RNF182: variants seen among roughly 807,000 people sequenced by gnomAD.
RNF182 encodes E3 ubiquitin-protein ligase RNF182.
RNF182 carries 15 observed loss-of-function variants against 14.4 expected under a neutral mutation model. That is an observed-to-expected ratio of 1.04 (90% CI 0.70 to 1.60). RNF182 has a LOEUF of 1.60. Ranked by LOEUF, RNF182 falls within the 40% of genes most tolerant of loss-of-function variation. RNF182 has a pLI of 0.00. For synonymous variants in RNF182, 128 were observed against 122.9 expected, an observed-to-expected ratio of 1.04 and a Z score of -0.27; for missense variants, 268 against 294.8, an observed-to-expected ratio of 0.91 and a Z score of 0.67.
chr6:13,953,073 T>A (rs1056922950), intron 1 of RNF182, among the ~76,000 whole-genome samples: 1 of 152,200 alleles, frequency 6.6e-6, no homozygotes, highest in Non-Finnish European at 1.5e-5. Context: ...ATCAGGACAT[T>A]TCCTGGGTCT....
intron 1 of RNF182, among the ~76,000 whole-genome samples, chr6:13,957,647 A>G (rs1759763540): frequency 6.6e-6 from 1 of 152,134 alleles, no homozygotes; most frequent in South Asian, 2.1e-4. Flanking sequence ...AGTGAGCAAA[A>G]CGTTTTGGTT....
At chr6:13,962,882 G>T (rs888517215) in intron 1 of RNF182, among the ~76,000 whole-genome samples, 5 of 152,164 alleles carry the variant, frequency 3.3e-5, no homozygotes, top group African/African-American at 1.2e-4. Flanking sequence ...CTTACCCTAA[G>T]ACCTATACAA....
chr6:13,976,054 C>G (rs929277526), intron 2 of RNF182, among the ~76,000 whole-genome samples: 3 of 152,156 alleles, frequency 2.0e-5, no homozygotes, highest in African/African-American at 7.2e-5. Flanking sequence ...ATTACACTTT[C>G]CTTTTACTAA....
chr6:13,956,692 G>A (rs1759741990), intron 1 of RNF182, among the ~76,000 whole-genome samples: 1 of 152,140 alleles, frequency 6.6e-6, no homozygotes, highest in South Asian at 2.1e-4. Flanking sequence ...CACTACAAAA[G>A]TGTCGTAAGT....
chr6:13,969,026 A>G (rs1760108167), intron 1 of RNF182, among the ~76,000 whole-genome samples: 2 of 152,196 alleles, frequency 1.3e-5, no homozygotes, highest in South Asian at 4.1e-4. Context: ...AAAAAAAGGA[A>G]TTTATTGGCT....
In RNF182 at chr6:13,934,413, G is replaced by A. The variant is rs550563211; in HGVS notation, c.-367+9390G>A. Among the ~76,000 whole-genome samples, 8 of 152,310 alleles carry A rather than the reference G, an allele frequency of 5.3e-5. No homozygotes were observed. The East Asian group carries it at 9.7e-4, about 18-fold the overall frequency. On this transcript the variant is annotated intron_variant, in intron 1 of 2. Coordinates refer to ENST00000488300, the MANE Select transcript of RNF182 (RefSeq NM_152737.4). ...CTTCATTTCCGTCGCTCACAGTTAC[G>A]TTAGTTGTTTTAATGACATCTGCTG... is the stretch of plus-strand genomic sequence containing the variant.
intron 1 of RNF182, among the ~76,000 whole-genome samples, chr6:13,926,070 A>G (rs1398343474): frequency 6.6e-6 from 1 of 152,238 alleles, no homozygotes; most frequent in Non-Finnish European, 1.5e-5. Flanking sequence ...GAAATTGTAT[A>G]TATGTTAATA....
At chr6:13,948,313 A>G (rs951994573) in intron 1 of RNF182, among the ~76,000 whole-genome samples, 10 of 152,216 alleles carry the variant, frequency 6.6e-5, no homozygotes, top group African/African-American at 1.4e-4. Context: ...TTGCTTGTAG[A>G]TGACAAAAAG....
chr6:13,937,112 G>A (rs1759131301), intron 1 of RNF182, among the ~76,000 whole-genome samples: 1 of 152,164 alleles, frequency 6.6e-6, no homozygotes, highest in Non-Finnish European at 1.5e-5. Context: ...CTTGTTTTGT[G>A]TTGTATGTAT....
chr6:13,965,550 A>G (rs1760002636), intron 1 of RNF182, among the ~76,000 whole-genome samples: 1 of 152,222 alleles, frequency 6.6e-6, no homozygotes, highest in African/African-American at 2.4e-5. Flanking sequence ...TATATTAAGA[A>G]TAAGAGGCAA....
chr6:13,936,597 A>G (rs1382645518), intron 1 of RNF182, among the ~76,000 whole-genome samples: 3 of 152,238 alleles, frequency 2.0e-5, no homozygotes, highest in Non-Finnish European at 4.4e-5. Flanking sequence ...TAATGACTCA[A>G]AGATGAACAA....
At chr6:13,960,646 G>GGA (rs1244684761) in intron 1 of RNF182, among the ~76,000 whole-genome samples, 44 of 148,158 alleles carry the variant, frequency 3.0e-4, no homozygotes, top group African/African-American at 7.9e-4. Flanking sequence ...TTTGATGGAG[G>GGA]GAGAGAGAGA....
chr6:13,944,587 T>A (rs984019682), intron 1 of RNF182, among the ~76,000 whole-genome samples: 1 of 152,160 alleles, frequency 6.6e-6, no homozygotes, highest in African/African-American at 2.4e-5. Context: ...AAATTCAGGA[T>A]GAAACCAGAA....
At chr6:13,969,111 G>GTT (rs1471402432) in intron 1 of RNF182, among the ~76,000 whole-genome samples, 1 of 151,168 alleles carries the variant, frequency 6.6e-6, no homozygotes, top group Non-Finnish European at 1.5e-5. Context: ...GTTTTTTGTT[G>GTT]TTGTTGTTGT....
rs1162972301 is a variant in RNF182, at chr6:13,959,200, A to G, written c.-366-15010A>G. Reference sequence around the variant, plus strand: ...GCAACACAAAACAGACTAAGGCAAGATCTCTAAGAAGGAATGAGATTAGTA... The same window carrying G: ...GCAACACAAAACAGACTAAGGCAAGGTCTCTAAGAAGGAATGAGATTAGTA... On this transcript the variant is annotated intron_variant, in intron 1 of 2. Coordinates refer to ENST00000488300, the MANE Select transcript of RNF182 (RefSeq NM_152737.4). Among the ~76,000 whole-genome samples, 3 of 152,222 alleles carry G rather than the reference A, an allele frequency of 2.0e-5. No homozygotes were observed. The East Asian group carries it at 5.8e-4, about 29-fold the overall frequency.
chr6:13,931,892 G>A (rs1396563262), intron 1 of RNF182, among the ~76,000 whole-genome samples: 2 of 152,122 alleles, frequency 1.3e-5, no homozygotes, highest in Admixed American at 6.5e-5. Context: ...CCATGAGGGT[G>A]GAGCCCTCAT....
intron 1 of RNF182, among the ~76,000 whole-genome samples, chr6:13,966,831 C>T (rs932514898): frequency 5.1e-5 from 5 of 98,908 alleles, no homozygotes; most frequent in East Asian, 4.1e-4. Flanking sequence ...TGTGCGCGTG[C>T]GTGTGTGTGT....
At position 13,944,966 on chromosome 6, in the gene RNF182, C is replaced by G. The variant is rs138999703; in HGVS notation, c.-367+19943C>G. ...TAAGCTGCTTACTAAGTGCCTGATCCTAAGAAGAACATTTAGCCGGGCTTA... is the reference window on the plus strand; with the variant it reads ...TAAGCTGCTTACTAAGTGCCTGATCGTAAGAAGAACATTTAGCCGGGCTTA... On this transcript the variant is annotated intron_variant, in intron 1 of 2. Transcript: ENST00000488300. Among the ~76,000 whole-genome samples, 15 of 152,246 alleles carry G rather than the reference C, an allele frequency of 9.9e-5. No individual in the cohort carries two copies. The East Asian group carries it at 2.7e-3, about 27-fold the overall frequency.
chr6:13,954,528 A>G (rs1759680434), intron 1 of RNF182, among the ~76,000 whole-genome samples: 1 of 152,196 alleles, frequency 6.6e-6, no homozygotes, highest in South Asian at 2.1e-4. Flanking sequence ...CTTTCTGAGA[A>G]CATTATGGGA....
Sources: gnomAD v4.1 joint callset for allele counts (sites outside exome capture counted in the v4.1 genomes callset) on GRCh38, gnomAD v4.1.1 for gene constraint, MANE v1.5 for transcripts, NCBI Gene and HGNC (gene_info 2026-07-23, HGNC 2026-07-21) for gene names.